Variants in ODAD2 observed in about 807,000 individuals in gnomAD.
ODAD2 encodes outer dynein arm docking complex subunit 2.
ODAD2 carries 89 observed loss-of-function variants against 106.8 expected under a neutral mutation model. The observed-to-expected ratio is 0.83, with a 90% CI of 0.70 to 0.99. ODAD2 has a LOEUF of 0.99. Ranked by LOEUF, ODAD2 falls within the 50% of genes least tolerant of loss-of-function variation. ODAD2 has a pLI of 0.00. For missense variants in ODAD2, 1,168 were observed against 1,238.5 expected (o/e 0.94, Z 0.85); for synonymous variants, 404 against 436.2 (o/e 0.93, Z 0.92).
rs377289499 is a variant in ODAD2, at chr10:27,936,843, A to T, written c.2135T>A (p.Leu712Gln). Reference sequence around the variant, plus strand: ...GGCCAAGGGCTTAAGTCCTCCGTGCAGCCTAACGAGGTCCCGGGTTTCCTT... The same window carrying T: ...GGCCAAGGGCTTAAGTCCTCCGTGCTGCCTAACGAGGTCCCGGGTTTCCTT... ...EDKETRDLVRLHGGLKPLASL... is the reference protein window; with the variant it reads ...EDKETRDLVRQHGGLKPLASL... The change falls in exon 15 of 20, where the codon CTG becomes CAG. Residue 712 changes from leucine (L) to glutamine (Q), a missense_variant. Leu to Gln is a moderately radical substitution (Grantham distance 113). Around this residue, in one of 3 missense-constraint regions of ODAD2, gnomAD observed 701 missense variants for 712.3 expected, o/e 0.98. Coordinates refer to ENST00000305242, the MANE Select transcript of ODAD2 (RefSeq NM_018076.5). 1 of 1,612,752 alleles carries T rather than the reference A, an allele frequency of 6.2e-7. No individual in the cohort carries two copies.
At chr10:27,848,755 A>G (rs1839003605) in intron 19 of ODAD2, among the ~76,000 whole-genome samples, 1 of 152,240 alleles carries the variant, frequency 6.6e-6, no homozygotes, top group Non-Finnish European at 1.5e-5. Context: ...ATGAACAGAC[A>G]CTTCTCAAAA....
chr10:27,904,891 C>T (rs1423692176), intron 17 of ODAD2: 2 of 152,206 alleles, frequency 1.3e-5, no homozygotes, highest in Admixed American at 6.5e-5. Flanking sequence ...GATGTCTTCC[C>T]ACTCAAAACA....
chr10:27,827,386 T>C (rs1424429884), intron 19 of ODAD2, among the ~76,000 whole-genome samples: 1 of 18,294 alleles, frequency 5.5e-5, no homozygotes, highest in African/African-American at 8.5e-5. Context: ...ACACTATATA[T>C]ATATATATAT....
chr10:27,902,210 G>A (rs1160795351), intron 17 of ODAD2, among the ~76,000 whole-genome samples: 2 of 152,036 alleles, frequency 1.3e-5, no homozygotes, highest in Non-Finnish European at 2.9e-5. Flanking sequence ...ATGACTACTG[G>A]GTAAATAACG....
intron 19 of ODAD2, among the ~76,000 whole-genome samples, chr10:27,816,892 G>A (rs1836176680): frequency 1.3e-5 from 2 of 152,116 alleles, no homozygotes; most frequent in African/African-American, 4.8e-5. Context: ...TGGGATTACA[G>A]GCGTGTGGCA....
chr10:27,867,446 G>T (rs1196415383), intron 17 of ODAD2, among the ~76,000 whole-genome samples: 1 of 152,116 alleles, frequency 6.6e-6, no homozygotes, highest in East Asian at 1.9e-4. Context: ...GAAACTACAC[G>T]GAATAGCATC....
At chr10:27,850,552 G>A (rs1338401463) in intron 19 of ODAD2, among the ~76,000 whole-genome samples, 1 of 151,402 alleles carries the variant, frequency 6.6e-6, no homozygotes, top group East Asian at 1.9e-4. Flanking sequence ...GCGAGACTCT[G>A]TCCCAATAAA....
intron 19 of ODAD2, among the ~76,000 whole-genome samples, chr10:27,832,530 C>T (rs1837562597): frequency 6.7e-6 from 1 of 150,130 alleles, no homozygotes; most frequent in Non-Finnish European, 1.5e-5. Flanking sequence ...TTCACACACA[C>T]ACACAGACAC....
intron 7 of ODAD2, 108 bp downstream of exon 7, chr10:27,981,358 A>G: frequency 9.2e-7 from 1 of 1,084,582 alleles, no homozygotes; most frequent in Non-Finnish European, 1.2e-6. Context: ...ACCACTAATA[A>G]TAAAAAGTGC....
chr10:27,887,074 A>G (rs186950408), intron 17 of ODAD2, among the ~76,000 whole-genome samples: 51 of 152,148 alleles, frequency 3.4e-4, no homozygotes, highest in African/African-American at 1.2e-3. Flanking sequence ...CATTGGCAAA[A>G]TGGATTTTAA....
intron 19 of ODAD2, among the ~76,000 whole-genome samples, chr10:27,829,098 G>T (rs1463475063): frequency 6.6e-6 from 1 of 151,392 alleles, no homozygotes; most frequent in Admixed American, 6.6e-5. Flanking sequence ...TGAAGCCAGA[G>T]AATTAAAAAG....
At chr10:27,967,378 C>T (rs149694203) in intron 9 of ODAD2, among the ~76,000 whole-genome samples, 9,506 of 99,662 alleles carry the variant, frequency 0.095, 3 homozygotes, top group South Asian at 0.15. Flanking sequence ...GACAAAGTAA[C>T]GAAGGACTCC....
chr10:27,985,735 G>A (rs1034716290), intron 3 of ODAD2, among the ~76,000 whole-genome samples: 6 of 151,656 alleles, frequency 4.0e-5, no homozygotes, highest in Non-Finnish European at 7.4e-5. Context: ...TATTTGCAAT[G>A]CCATATGATC....
chr10:27,828,162 T>G (rs1040832527), intron 19 of ODAD2, among the ~76,000 whole-genome samples: 3 of 152,122 alleles, frequency 2.0e-5, no homozygotes, highest in African/African-American at 7.2e-5. Context: ...GGATCATTGA[T>G]AGGGACATCT....
chr10:27,982,398 A>G (rs1432694168), intron 6 of ODAD2, among the ~76,000 whole-genome samples: 2 of 152,160 alleles, frequency 1.3e-5, no homozygotes, highest in African/African-American at 2.4e-5. Flanking sequence ...ATGTAGATCA[A>G]TAATAACCTT....
At chr10:27,812,948 C>T (rs1200262358) in intron 19 of ODAD2, among the ~76,000 whole-genome samples, 2 of 152,150 alleles carry the variant, frequency 1.3e-5, no homozygotes, top group Non-Finnish European at 2.9e-5. Context: ...AACAAGCCAA[C>T]AGCATACCAT....
chr10:27,892,525 A>C (rs567154679), intron 17 of ODAD2, among the ~76,000 whole-genome samples: 3 of 152,216 alleles, frequency 2.0e-5, no homozygotes, highest in Non-Finnish European at 4.4e-5. Flanking sequence ...CTGGAAAAAC[A>C]TATCTGTTTC....
At chr10:27,899,504 C>T (rs1843055572) in intron 17 of ODAD2, among the ~76,000 whole-genome samples, 2 of 152,046 alleles carry the variant, frequency 1.3e-5, no homozygotes, top group Non-Finnish European at 2.9e-5. Context: ...AGCCAGGGAG[C>T]CAAGTGGTCT....
At chr10:27,990,291 C>CG (rs1362056646) in intron 2 of ODAD2, among the ~76,000 whole-genome samples, 1 of 152,064 alleles carries the variant, frequency 6.6e-6, no homozygotes. Context: ...GGGACTACAG[C>CG]CGCACGCCAC....
Sources: allele counts gnomAD v4.1 joint callset (sites outside exome capture counted in the v4.1 genomes callset), GRCh38; gene constraint gnomAD v4.1.1; regional missense constraint gnomAD v4.1.1; transcripts MANE v1.5; gene names NCBI Gene and HGNC (gene_info 2026-07-23, HGNC 2026-07-21).